The following TFEC variants were observed in gnomAD, a reference collection of about 807,000 sequenced individuals.
TFEC encodes transcription factor EC.
Under a neutral mutation model 41.6 loss-of-function variants are expected in TFEC, and 31 were observed. The ratio of observed to expected loss-of-function variants is 0.74; its 90% confidence interval spans 0.56 to 1.01. The LOEUF is 1.01. Among genes scored for constraint, TFEC ranks in the 50% least tolerant of loss-of-function variants. TFEC has a pLI of 0.00. For synonymous variants in TFEC, 143 were observed against 140.6 expected (o/e 1.02, Z -0.12); for missense variants, 402 against 404.1 (o/e 0.99, Z 0.04).
Position 116,006,007 on chromosome 7 carries a change from A to T in TFEC, c.-72-21494T>A, listed in dbSNP as rs138418224. Among the ~76,000 whole-genome samples, 88 of 152,306 alleles carry T rather than the reference A, an allele frequency of 5.8e-4. 1 individual carries two copies. The East Asian group carries it at 0.011, about 20-fold the overall frequency. On this transcript the variant is annotated intron_variant, in intron 1 of 7. Coordinates refer to ENST00000265440, the MANE Select transcript of TFEC (RefSeq NM_012252.4). ...ATGAGGTGTTGAGCCTACGGTGCTC[A>T]GAAGTCAAGAATTGAGGTTTGGGAA...
chr7:116,108,522 T>C (rs1480305164), intron 3 of TFEC, among the ~76,000 whole-genome samples: 1 of 152,116 alleles, frequency 6.6e-6, no homozygotes. Context: ...ACCTTTAAAA[T>C]GTAGCTCAAT....
At chr7:116,019,073 A>G (rs78786507) in intron 1 of TFEC, among the ~76,000 whole-genome samples, 2,737 of 152,256 alleles carry the variant, frequency 0.018, 34 homozygotes, top group Non-Finnish European at 0.026. Context: ...GGAAAAAAAA[A>G]TAGCCAATGG....
At chr7:115,999,402 A>G (rs1794499817) in intron 1 of TFEC, among the ~76,000 whole-genome samples, 1 of 152,066 alleles carries the variant, frequency 6.6e-6, no homozygotes, top group African/African-American at 2.4e-5. Flanking sequence ...AAACATTTCA[A>G]ATAAACAACC....
intron 1 of TFEC, among the ~76,000 whole-genome samples, chr7:116,141,294 T>C (rs1205474430): frequency 6.6e-6 from 1 of 152,168 alleles, no homozygotes; most frequent in African/African-American, 2.4e-5. Context: ...TAAATTAATA[T>C]ATTCTCATGA....
At chr7:116,067,956 A>C (rs1562957970) in intron 3 of TFEC, among the ~76,000 whole-genome samples, 1 of 151,828 alleles carries the variant, frequency 6.6e-6, no homozygotes. Flanking sequence ...ATCTTGACCC[A>C]AAATTTTCTC....
chr7:116,036,104 T>C (rs988520929), intron 3 of TFEC, among the ~76,000 whole-genome samples: 3 of 152,098 alleles, frequency 2.0e-5, no homozygotes, highest in Non-Finnish European at 4.4e-5. Context: ...ATAATTGTTA[T>C]ACTGTATTGT....
intron 3 of TFEC, among the ~76,000 whole-genome samples, chr7:116,109,540 G>C (rs1300369992): frequency 6.6e-6 from 1 of 152,190 alleles, no homozygotes; most frequent in Non-Finnish European, 1.5e-5. Context: ...TCTCACACCA[G>C]TTAGAATGGC....
chr7:115,960,895 G>A (rs1414714053), intron 3 of TFEC, among the ~76,000 whole-genome samples: 3 of 151,526 alleles, frequency 2.0e-5, no homozygotes, highest in Non-Finnish European at 4.4e-5. Flanking sequence ...CAGAAAAAGG[G>A]CTTTCACGCT....
intron 1 of TFEC, among the ~76,000 whole-genome samples, chr7:116,022,629 G>T (rs1013169225): frequency 6.6e-6 from 1 of 152,166 alleles, no homozygotes; most frequent in African/African-American, 2.4e-5. Flanking sequence ...GCTATGTAGA[G>T]GCATGGCCCA....
intron 5 of TFEC, among the ~76,000 whole-genome samples, chr7:115,952,374 T>C (rs1791993392): frequency 6.6e-6 from 1 of 151,904 alleles, no homozygotes; most frequent in African/African-American, 2.4e-5. Context: ...TATAGAAATG[T>C]ATATATATAA....
intron 1 of TFEC, among the ~76,000 whole-genome samples, chr7:116,013,576 G>T (rs544480048): frequency 6.6e-6 from 1 of 151,964 alleles, no homozygotes; most frequent in Non-Finnish European, 1.5e-5. Flanking sequence ...AAAAATACTG[G>T]ACCTCAGATG....
intron 2 of TFEC, among the ~76,000 whole-genome samples, chr7:115,979,601 GATTTTTTATTTTC>G (rs1793535220): frequency 1.3e-5 from 2 of 152,010 alleles, no homozygotes; most frequent in Non-Finnish European, 2.9e-5. Flanking sequence ...TTGAGAAATA[GATTTTTTATTTTC>G]ATTTGTCCTT....
chr7:115,948,973 C>T (rs1370705990), intron 6 of TFEC, among the ~76,000 whole-genome samples: 2 of 151,656 alleles, frequency 1.3e-5, no homozygotes, highest in African/African-American at 4.8e-5. Flanking sequence ...CCAAAATCTC[C>T]TTAAGCTGAT....
At chr7:116,061,681 GA>G (rs58774092) in intron 3 of TFEC, among the ~76,000 whole-genome samples, 1 of 151,580 alleles carries the variant, frequency 6.6e-6, no homozygotes, top group Non-Finnish European at 1.5e-5. Flanking sequence ...ACGAGACTAA[GA>G]AAAAAAATTT....
chr7:115,940,650 T>C lies in TFEC; in HGVS notation c.945A>G (p.Pro315=). The C allele has an allele frequency of 1.9e-6, 3 of 1,613,618 alleles. No individual in the cohort carries two copies. Among genetic ancestry groups the C allele is most frequent in the Non-Finnish European group, 2.5e-6 (3 of 1,179,676 alleles). ...DGMLLDDTIS[P]FGTDPLLSAT... ...CAGATAGCAGAGGATCTGTTCCAAA[T>C]GGAGAGATTGTGTCATCCAATAGCA... The change falls in exon 8 of 8, where the codon CCA becomes CCG. Residue 315 remains proline (P), a synonymous_variant. Transcript: ENST00000265440.
At chr7:115,948,419 A>C (rs1791731277) in intron 6 of TFEC, among the ~76,000 whole-genome samples, 1 of 152,040 alleles carries the variant, frequency 6.6e-6, no homozygotes, top group African/African-American at 2.4e-5. Context: ...AGACCAATAC[A>C]CTTGATGAAC....
In TFEC at chr7:116,123,924, T is replaced by C. The variant is rs79256876; in HGVS notation, c.-68-11886A>G. On this transcript the variant is annotated intron_variant, in intron 1 of 8. Coordinates refer to the TFEC transcript ENST00000484212. ...ACAAATCTTAGCATGATATTAAACA[T>C]AACACAAGAGCTCAAAGAATAAATG... Among the ~76,000 whole-genome samples, 241 of 152,192 alleles carry C rather than the reference T, an allele frequency of 1.6e-3. 1 individual carries two copies. Among genetic ancestry groups the C allele is most frequent in the African/African-American group, 5.0e-3 (208 of 41,536 alleles).
Position 115,961,709 on chromosome 7 carries a change from T to C in TFEC, c.268-4916A>G, listed in dbSNP as rs928107652. Among the ~76,000 whole-genome samples the C allele has an allele frequency of 1.8e-4, 27 of 151,774 alleles. No individual in the cohort carries two copies. In the East Asian group the frequency reaches 3.1e-3, roughly 18 times the overall value. On this transcript the variant is annotated intron_variant, in intron 3 of 7. Transcript: ENST00000265440. ...GAAAGGAGAAAGTAACAACAGTACA[T>C]TAGATTTAAAAGGTAAAAAGTTTCT...
rs756712766 is a variant in TFEC at position 115,984,476 on chromosome 7, A to G, written c.-35T>C. ...TACTTTCTGTCTCTGGGCTTTCTGTAGCTGAGGCCTTGCAGAACTTTCCAG... is the reference window on the plus strand; with the variant it reads ...TACTTTCTGTCTCTGGGCTTTCTGTGGCTGAGGCCTTGCAGAACTTTCCAG... On this transcript the variant is annotated 5_prime_UTR_variant, in exon 2 of 8. Coordinates refer to ENST00000265440, the MANE Select transcript of TFEC (RefSeq NM_012252.4). The G allele has an allele frequency of 1.2e-5, 20 of 1,613,952 alleles. No homozygotes were observed. The East Asian group carries it at 3.1e-4, about 25-fold the overall frequency.
Sources: gnomAD v4.1 joint callset for allele counts (sites outside exome capture counted in the v4.1 genomes callset) on GRCh38, gnomAD v4.1.1 for gene constraint, MANE v1.5 for transcripts, NCBI Gene and HGNC (gene_info 2026-07-23, HGNC 2026-07-21) for gene names.